The following TAF2 variants were observed in gnomAD, a reference collection of about 807,000 sequenced individuals.
The protein encoded by TAF2 is transcription initiation factor TFIID subunit 2.
A neutral mutation model predicts 138.5 loss-of-function variants in TAF2; 61 were observed. That is an observed-to-expected ratio of 0.44 (90% CI 0.36 to 0.54). The LOEUF (loss-of-function observed/expected upper bound fraction) is 0.54, where lower values mean the gene tolerates loss of function less well. Among genes scored for constraint, TAF2 ranks in the 20% least tolerant of loss-of-function variants. The pLI is 0.00. For missense variants in TAF2, 1,090 were observed against 1,427.9 expected, an observed-to-expected ratio of 0.76 and a Z score of 3.81; for synonymous variants, 475 against 469.9, an observed-to-expected ratio of 1.01 and a Z score of -0.14.
intron 18 of TAF2, among the ~76,000 whole-genome samples, chr8:119,766,516 A>G (rs1439568386): frequency 3.3e-5 from 5 of 152,212 alleles, no homozygotes; most frequent in African/African-American, 7.2e-5. Context: ...GTGACGACTT[A>G]TGGTGGCTCA....
chr8:119,824,836 C>G (rs1368866131), intron 2 of TAF2, among the ~76,000 whole-genome samples: 1 of 152,232 alleles, frequency 6.6e-6, no homozygotes, highest in Non-Finnish European at 1.5e-5. Context: ...GAACCTCCAC[C>G]TAGATTTCAG....
chr8:119,822,566 G>A (rs775451649), intron 2 of TAF2, among the ~76,000 whole-genome samples: 1 of 152,108 alleles, frequency 6.6e-6, no homozygotes, highest in African/African-American at 2.4e-5. Context: ...CACTCTAAGT[G>A]ACTTGAATAT....
At chr8:119,768,943 T>G (rs1056722496) in intron 18 of TAF2, among the ~76,000 whole-genome samples, 1 of 152,128 alleles carries the variant, frequency 6.6e-6, no homozygotes, top group Non-Finnish European at 1.5e-5. Flanking sequence ...TGCATCTGCA[T>G]GGAGAGTTAT....
intron 18 of TAF2, among the ~76,000 whole-genome samples, chr8:119,763,146 A>G (rs2131065440): frequency 6.6e-6 from 1 of 152,330 alleles, no homozygotes; most frequent in African/African-American, 2.4e-5. Flanking sequence ...ATTGACTTCT[A>G]TTGTGGAGGC....
At chr8:119,812,993 A>G (rs1354249383) in intron 3 of TAF2, among the ~76,000 whole-genome samples, 1 of 152,210 alleles carries the variant, frequency 6.6e-6, no homozygotes, top group African/African-American at 2.4e-5. Flanking sequence ...ATAAAGTGGT[A>G]GATCTACTTG....
intron 14 of TAF2, among the ~76,000 whole-genome samples, chr8:119,787,504 G>A (rs937629601): frequency 1.3e-5 from 2 of 152,106 alleles, no homozygotes; most frequent in Non-Finnish European, 2.9e-5. Context: ...ATCATCACTG[G>A]TCATTAGAGA....
rs35710501 is a variant in TAF2 at position 119,825,851 on chromosome 8, A to ATTT, written c.138+5823_138+5825dup. On this transcript the variant is annotated intron_variant, in intron 2 of 25. Transcript: ENST00000378164. ...AGGTGCCCACCGCCACGCCTGGCTAATTTTTTTTTTTTTTGTATTTTTAGT... is the reference window on the plus strand; with the variant it reads ...AGGTGCCCACCGCCACGCCTGGCTAATTTTTTTTTTTTTTTTTGTATTTTTAGT... Among the ~76,000 whole-genome samples the ATTT allele has an allele frequency of 1.1e-3, 155 of 144,946 alleles. 2 individuals are homozygous for ATTT. Among genetic ancestry groups the ATTT allele is most frequent in the Admixed American group, 1.6e-3 (24 of 14,558 alleles).
intron 2 of TAF2, among the ~76,000 whole-genome samples, chr8:119,825,957 G>A (rs1480044982): frequency 6.6e-6 from 1 of 151,748 alleles, no homozygotes; most frequent in East Asian, 1.9e-4. Flanking sequence ...CTCCCAAAGT[G>A]CTGGGATTAC....
At position 119,737,799 on chromosome 8, in the gene TAF2, T is replaced by C. The variant is rs1337066190; in HGVS notation, c.3337+4735A>G. On this transcript the variant is annotated intron_variant, in intron 25 of 25. Transcript: ENST00000378164. ...CTAGGATTACAGGCGTGAGCCACCGTGCCTGGCCTAAAGCTTTTTTTTAAA... is the reference window on the plus strand; with the variant it reads ...CTAGGATTACAGGCGTGAGCCACCGCGCCTGGCCTAAAGCTTTTTTTTAAA... 3.3e-5 allele frequency among the ~76,000 whole-genome samples: 5 copies of C among 152,106 alleles called. No homozygotes were observed. The East Asian group carries it at 7.7e-4, about 24-fold the overall frequency.
intron 16 of TAF2, among the ~76,000 whole-genome samples, chr8:119,781,949 A>G (rs1045009337): frequency 6.6e-6 from 1 of 152,144 alleles, no homozygotes; most frequent in South Asian, 2.1e-4. Flanking sequence ...CGGACTCCCA[A>G]AGTGTTAGGA....
chr8:119,767,689 C>T (rs975990698), intron 18 of TAF2, among the ~76,000 whole-genome samples: 13 of 152,230 alleles, frequency 8.5e-5, no homozygotes, highest in African/African-American at 1.9e-4. Context: ...AAGACAGATA[C>T]GGCAGCCACA....
chr8:119,800,529 C>G (rs1260946511), intron 6 of TAF2, among the ~76,000 whole-genome samples: 1 of 152,168 alleles, frequency 6.6e-6, no homozygotes, highest in African/African-American at 2.4e-5. Context: ...CAGTACCATG[C>G]TGTTTTGGTT....
intron 6 of TAF2, among the ~76,000 whole-genome samples, chr8:119,799,667 A>G (rs1255523953): frequency 6.6e-6 from 1 of 152,216 alleles, no homozygotes; most frequent in African/African-American, 2.4e-5. Flanking sequence ...GTATATACCC[A>G]GTAATGGGAT....
At chr8:119,823,299 A>G (rs375063966) in intron 2 of TAF2, among the ~76,000 whole-genome samples, 10 of 152,300 alleles carry the variant, frequency 6.6e-5, no homozygotes, top group African/African-American at 2.4e-4. Context: ...ATTCCACTGA[A>G]GTTACCTGAC....
At chr8:119,732,667 G>A (rs1818958914) in intron 25 of TAF2, among the ~76,000 whole-genome samples, 3 of 151,996 alleles carry the variant, frequency 2.0e-5, no homozygotes, top group African/African-American at 4.8e-5. Flanking sequence ...AGCCGGGCAT[G>A]GTGGCGGGTG....
intron 3 of TAF2, among the ~76,000 whole-genome samples, chr8:119,815,174 C>T (rs928601721): frequency 6.7e-6 from 1 of 149,644 alleles, no homozygotes; most frequent in African/African-American, 2.5e-5. Flanking sequence ...CCCAGCTACT[C>T]GGGAGGGTGA....
At position 119,731,483 on chromosome 8, in the gene TAF2, T is replaced by C. The variant is rs1228631901; in HGVS notation, c.*441A>G. ...GTCTTTTCAGTAGTTCCAAATGGTG[T>C]TATACAATATTTCACTGGAGATAGT... On this transcript the variant is annotated 3_prime_UTR_variant, in exon 26 of 26. Transcript: ENST00000378164. 3 of 202,398 alleles carry C rather than the reference T, an allele frequency of 1.5e-5. No homozygotes were observed. The highest frequency in any genetic ancestry group is 5.3e-5 in the Admixed American group (1 of 18,934). The allele number at this position is 202,398 out of a possible 1,614,324, so 12.5% of individuals were successfully genotyped here. A position where few individuals can be genotyped will look rare whatever the true frequency, so the allele number is the denominator to read the frequency against.
rs1398328920 is a variant in TAF2 at position 119,788,893 on chromosome 8, C to T, written c.1580G>A (p.Gly527Glu). The T allele has an allele frequency of 6.2e-7, 1 of 1,603,200 alleles. No homozygotes were observed. The highest frequency in any genetic ancestry group is 1.1e-5 in the South Asian group (1 of 90,892). The change falls in exon 13 of 26, where the codon GGA (glycine) becomes GAA (glutamate). Residue 527 changes from glycine to glutamate, a missense_variant. Around this residue, in one of 3 missense-constraint regions of TAF2, gnomAD observed 504 missense variants for 680.9 expected, o/e 0.74. Transcript: ENST00000378164. ...PLIKQWVDQS[G>E]VVKFYGSFAF... ...AAAACTTCCATAAAATTTTACCACT[C>T]CACTCTGATCTCTGAAGAATTGTAA...
chr8:119,761,903 TATAA>T, intron 19 of TAF2: 1 of 152,552 alleles, frequency 6.6e-6, no homozygotes, highest in South Asian at 2.1e-4. Context: ...TAGCATAAAA[TATAA>T]ATATTTTCTC....
Sources: gnomAD v4.1 joint callset for allele counts (sites outside exome capture counted in the v4.1 genomes callset) on GRCh38, gnomAD v4.1.1 for gene constraint, gnomAD v4.1.1 regional missense constraint, MANE v1.5 for transcripts, NCBI Gene and HGNC (gene_info 2026-07-23, HGNC 2026-07-21) for gene names.